CNOT6L: variants seen among roughly 807,000 people sequenced by gnomAD.
The protein encoded by CNOT6L is CCR4-NOT transcription complex subunit 6-like.
A neutral mutation model predicts 64.0 loss-of-function variants in CNOT6L; 7 were observed. The ratio of observed to expected loss-of-function variants is 0.11; its 90% CI spans 0.06 to 0.21. The LOEUF is 0.21. Among genes scored for constraint, CNOT6L ranks in the 10% least tolerant of loss-of-function variants. The probability of loss-of-function intolerance (pLI) is 1.00; values close to 1 mark genes in which losing one functional copy is unlikely to be tolerated. For missense variants in CNOT6L, 245 were observed against 669.0 expected, an observed-to-expected ratio of 0.37 and a Z score of 6.99; for synonymous variants, 193 against 243.4, an observed-to-expected ratio of 0.79 and a Z score of 1.93.
At chr4:77,782,746 C>T (rs1418170741) in intron 1 of CNOT6L, among the ~76,000 whole-genome samples, 1 of 151,600 alleles carries the variant, frequency 6.6e-6, no homozygotes, top group East Asian at 1.9e-4. Context: ...TCCCAAGTAG[C>T]TAGGACTACA....
chr4:77,725,131 A>G (rs747587946), intron 11 of CNOT6L, among the ~76,000 whole-genome samples: 6 of 152,220 alleles, frequency 3.9e-5, no homozygotes, highest in Admixed American at 3.9e-4. Flanking sequence ...CAAAAATACT[A>G]AATTAGATTC....
chr4:77,793,092 G>A (rs552581368), intron 1 of CNOT6L, among the ~76,000 whole-genome samples: 1 of 151,976 alleles, frequency 6.6e-6, no homozygotes, highest in South Asian at 2.1e-4. Flanking sequence ...TATGACCTAA[G>A]CATGAGTCCA....
chr4:77,819,430 C>A (rs1734047744), upstream of CNOT6L: 26 of 1,581,682 alleles, frequency 1.6e-5, no homozygotes, highest in South Asian at 2.7e-4. Context: ...GAGCCGCGGC[C>A]GCAGACGCAG....
intron 1 of CNOT6L, among the ~76,000 whole-genome samples, chr4:77,802,291 A>C (rs1266081421): frequency 2.6e-5 from 4 of 152,206 alleles, no homozygotes; most frequent in Non-Finnish European, 4.4e-5. Context: ...AACAATAAGA[A>C]GAGTAGAGTT....
Position 77,714,264 on chromosome 4 carries a change from C to G in CNOT6L, c.*6167G>C, listed in dbSNP as rs1013635244. On this transcript the variant is annotated 3_prime_UTR_variant, in exon 12 of 12. Coordinates refer to ENST00000504123, the MANE Select transcript of CNOT6L (RefSeq NM_144571.3). The stretch of plus-strand genomic sequence containing the variant: ...TGCCAGGTAATGAAAATAAATGAAC[C>G]TTTCCCTACTCAAAACGATAAATTG... 4.6e-5 allele frequency: 7 copies of G among 152,022 alleles called. No individual in the cohort carries two copies. Among genetic ancestry groups the G allele is most frequent in the Non-Finnish European group, 2.9e-5 (2 of 67,924 alleles). The allele number at this position is 152,022 out of a possible 1,614,324, so 9.4% of individuals were successfully genotyped here.
At chr4:77,795,238 C>T (rs1730701858) in intron 1 of CNOT6L, among the ~76,000 whole-genome samples, 1 of 151,908 alleles carries the variant, frequency 6.6e-6, no homozygotes. Context: ...AGGCTGGTCT[C>T]GAGCTCCTGA....
intron 1 of CNOT6L, among the ~76,000 whole-genome samples, chr4:77,805,164 A>C (rs13119606): frequency 0.27 from 41,313 of 152,122 alleles, 6,477 homozygotes; most frequent in East Asian, 0.48. Flanking sequence ...AAACTACTGT[A>C]TATATTATAC....
intron 8 of CNOT6L, among the ~76,000 whole-genome samples, chr4:77,734,909 T>G (rs916832367): frequency 6.7e-6 from 1 of 148,970 alleles, no homozygotes; most frequent in Non-Finnish European, 1.5e-5. Flanking sequence ...GACAGAATAA[T>G]AAAAAAAAAA....
chr4:77,818,957 C>A lies in CNOT6L; in HGVS notation c.5+347G>T, dbSNP rs1218078350. On this transcript the variant is annotated intron_variant, in intron 1 of 11. Coordinates refer to ENST00000504123, the MANE Select transcript of CNOT6L (RefSeq NM_144571.3). ...CACTCAGCCCTCCCCGGCCGGCCCC[C>A]TAGGAGCAGCTCTCACCTGCGAGGC... 1.1e-5 allele frequency: 7 copies of A among 657,860 alleles called. No homozygotes were observed. In the South Asian group the frequency reaches 1.1e-4, roughly 10 times the overall value. 40.8% of individuals were successfully genotyped at this position (657,860 alleles called of 1,614,324 possible). A position where few individuals can be genotyped will look rare whatever the true frequency, so the allele number is the denominator to read the frequency against.
intron 6 of CNOT6L, among the ~76,000 whole-genome samples, chr4:77,746,417 A>G (rs1333993916): frequency 6.6e-6 from 1 of 152,154 alleles, no homozygotes; most frequent in Non-Finnish European, 1.5e-5. Context: ...GCCACCACAA[A>G]GTATTATACA....
chr4:77,775,091 T>C (rs914841853), intron 2 of CNOT6L, among the ~76,000 whole-genome samples: 1 of 152,304 alleles, frequency 6.6e-6, no homozygotes, highest in Middle Eastern at 3.4e-3. Flanking sequence ...TACTGCTATC[T>C]AGTGAGTAGA....
intron 1 of CNOT6L, among the ~76,000 whole-genome samples, chr4:77,817,475 T>C (rs962697151): frequency 5.3e-5 from 8 of 152,210 alleles, no homozygotes; most frequent in Admixed American, 5.2e-4. Context: ...GAACTAAAAT[T>C]TAACTAAGCA....
chr4:77,776,420 A>C, intron 1 of CNOT6L, 28 bp from the exon 2 acceptor site: 1 of 1,460,184 alleles, frequency 6.8e-7, no homozygotes, highest in South Asian at 1.2e-5. Context: ...GGAGGAGATC[A>C]ATAATTATTA....
intron 1 of CNOT6L, among the ~76,000 whole-genome samples, chr4:77,809,008 G>T (rs1051567215): frequency 2.6e-5 from 4 of 151,998 alleles, no homozygotes; most frequent in Non-Finnish European, 5.9e-5. Context: ...TTTTAGTTTG[G>T]TTTTTTACTA....
chr4:77,726,983 ATT>A (rs1456876732), intron 10 of CNOT6L, among the ~76,000 whole-genome samples: 2 of 152,214 alleles, frequency 1.3e-5, no homozygotes, highest in Non-Finnish European at 1.5e-5. Context: ...GAAGAATAGC[ATT>A]CAGAAAAGTG....
Position 77,720,362 on chromosome 4 carries a change from T to C in CNOT6L, c.*69A>G. The C allele has an allele frequency of 1.4e-6, 2 of 1,446,696 alleles. No homozygotes were observed. The highest frequency in any genetic ancestry group is 1.9e-6 in the Non-Finnish European group (2 of 1,042,624). The allele number at this position is 1,446,696 out of a possible 1,614,324, so 89.6% of individuals were successfully genotyped here. Reference sequence around the variant, plus strand: ...CTTAAGGATGGCCATACTTCACTCCTACATACTTTGATTTACAACTGTACA... The same window carrying C: ...CTTAAGGATGGCCATACTTCACTCCCACATACTTTGATTTACAACTGTACA... On this transcript the variant is annotated 3_prime_UTR_variant, in exon 12 of 12. Transcript: ENST00000504123.
intron 6 of CNOT6L, among the ~76,000 whole-genome samples, chr4:77,745,236 T>A (rs529853106): frequency 1.3e-5 from 2 of 152,302 alleles, no homozygotes; most frequent in South Asian, 2.1e-4. Flanking sequence ...ATTAAAGAAC[T>A]CTAATCTCAT....
chr4:77,722,353 GA>G (rs1420702228), intron 11 of CNOT6L, among the ~76,000 whole-genome samples: 1 of 152,118 alleles, frequency 6.6e-6, no homozygotes, highest in East Asian at 1.9e-4. Flanking sequence ...TTGAGGCCAG[GA>G]GTTAATTACC....
At chr4:77,819,385 G>C (rs548926923), upstream of CNOT6L, 5 of 1,608,768 alleles carry the variant, frequency 3.1e-6, no homozygotes, top group African/African-American at 5.4e-5. Context: ...ACGCGCGCGC[G>C]CGCGCACCAG....
Sources: allele counts gnomAD v4.1 joint callset (sites outside exome capture counted in the v4.1 genomes callset), GRCh38; gene constraint gnomAD v4.1.1; transcripts MANE v1.5; gene names NCBI Gene and HGNC (gene_info 2026-07-23, HGNC 2026-07-21).